IQCM: variants seen among roughly 807,000 people sequenced by gnomAD.
The protein encoded by IQCM is IQ motif containing M.
IQCM carries 45 observed loss-of-function variants against 57.6 expected under a neutral mutation model. The ratio of observed to expected loss-of-function variants is 0.78; its 90% CI spans 0.62 to 1.00. IQCM has a LOEUF of 1.00. Ranked by LOEUF, IQCM falls within the 50% of genes least tolerant of loss-of-function variation. The pLI is 0.00. For synonymous variants in IQCM, 148 were observed against 158.9 expected (o/e 0.93, Z 0.51); for missense variants, 468 against 511.6 (o/e 0.91, Z 0.82).
intron 5 of IQCM, among the ~76,000 whole-genome samples, chr4:149,719,551 C>T (rs578085000): frequency 6.6e-6 from 1 of 152,268 alleles, no homozygotes; most frequent in South Asian, 2.1e-4. Context: ...CACTGATTCA[C>T]ATAAACTGGA....
intron 9 of IQCM, among the ~76,000 whole-genome samples, chr4:149,569,764 T>C (rs1357135630): frequency 6.6e-6 from 1 of 152,208 alleles, no homozygotes; most frequent in African/African-American, 2.4e-5. Flanking sequence ...AAAGAACTGA[T>C]TCGGGATTTC....
At chr4:149,689,203 T>C (rs1762767606) in intron 5 of IQCM, among the ~76,000 whole-genome samples, 2 of 152,012 alleles carry the variant, frequency 1.3e-5, no homozygotes, top group Admixed American at 6.6e-5. Context: ...GTGTGGTACA[T>C]ATACACCATG....
At chr4:149,810,799 C>T (rs769659771) in intron 2 of IQCM, among the ~76,000 whole-genome samples, 57 of 152,210 alleles carry the variant, frequency 3.7e-4, no homozygotes, top group Admixed American at 1.6e-3. Flanking sequence ...ACTCTCAAAA[C>T]CGTCTGGATT....
chr4:149,741,805 T>G (rs1176821402), intron 3 of IQCM, among the ~76,000 whole-genome samples: 2 of 152,166 alleles, frequency 1.3e-5, no homozygotes, highest in Non-Finnish European at 2.9e-5. Flanking sequence ...AGAGAAATCT[T>G]AAGTAGTCTC....
At chr4:149,659,518 G>A (rs573921047) in intron 7 of IQCM, among the ~76,000 whole-genome samples, 14 of 152,178 alleles carry the variant, frequency 9.2e-5, no homozygotes, top group Admixed American at 2.0e-4. Context: ...AGCCCGCATC[G>A]CCAAGTCAAT....
intron 12 of IQCM, among the ~76,000 whole-genome samples, chr4:149,522,863 G>A (rs1463774518): frequency 6.6e-6 from 1 of 151,972 alleles, no homozygotes; most frequent in Non-Finnish European, 1.5e-5. Context: ...ACACAAAATA[G>A]GTATATCCTG....
intron 13 of IQCM, among the ~76,000 whole-genome samples, chr4:149,402,757 GT>G (rs1422710789): frequency 6.6e-6 from 1 of 151,830 alleles, no homozygotes; most frequent in Non-Finnish European, 1.5e-5. Flanking sequence ...ATCCTATGTC[GT>G]ATAACTATTT....
chr4:149,752,931 C>A (rs1768594064), intron 2 of IQCM, among the ~76,000 whole-genome samples: 1 of 152,178 alleles, frequency 6.6e-6, no homozygotes, highest in Admixed American at 6.5e-5. Flanking sequence ...CACGCCCTAG[C>A]CACACCAACA....
intron 5 of IQCM, among the ~76,000 whole-genome samples, chr4:149,715,679 T>C (rs925454182): frequency 1.3e-5 from 2 of 152,178 alleles, no homozygotes; most frequent in African/African-American, 4.8e-5. Context: ...GAATGAGGTA[T>C]GTGGACAACT....
At chr4:149,448,108 T>C (rs1343026427) in intron 12 of IQCM, among the ~76,000 whole-genome samples, 1 of 151,702 alleles carries the variant, frequency 6.6e-6, no homozygotes, top group Non-Finnish European at 1.5e-5. Flanking sequence ...ACATGTTCCA[T>C]GATTGATTAA....
chr4:149,485,225 C>T (rs2149761298), intron 12 of IQCM, among the ~76,000 whole-genome samples: 1 of 152,024 alleles, frequency 6.6e-6, no homozygotes, highest in Non-Finnish European at 1.5e-5. Context: ...CTATAATCTT[C>T]TTATATGTGA....
chr4:149,769,460 C>T (rs558789460), intron 2 of IQCM, among the ~76,000 whole-genome samples: 13 of 151,506 alleles, frequency 8.6e-5, no homozygotes, highest in East Asian at 3.9e-4. Flanking sequence ...CATAGGGGAG[C>T]GAAGATACAG....
intron 7 of IQCM, among the ~76,000 whole-genome samples, chr4:149,643,409 C>T (rs950858635): frequency 6.6e-6 from 1 of 152,152 alleles, no homozygotes; most frequent in Non-Finnish European, 1.5e-5. Flanking sequence ...GTTATGGAGG[C>T]TTGCTCAAAG....
intron 4 of IQCM, 116 bp downstream of exon 4, chr4:149,735,260 C>T (rs1450249747): frequency 8.7e-6 from 4 of 458,712 alleles, no homozygotes; most frequent in Non-Finnish European, 1.4e-5. Context: ...CTCTTCAATT[C>T]TATTCTCTTT....
intron 13 of IQCM, among the ~76,000 whole-genome samples, chr4:149,400,014 C>A (rs1018157152): frequency 1.3e-5 from 2 of 151,920 alleles, no homozygotes; most frequent in African/African-American, 4.8e-5. Context: ...AATACAATTG[C>A]AGACTCTGGA....
intron 5 of IQCM, among the ~76,000 whole-genome samples, chr4:149,694,793 A>C (rs1176485824): frequency 6.6e-6 from 1 of 152,190 alleles, no homozygotes; most frequent in Non-Finnish European, 1.5e-5. Flanking sequence ...GAAGAGCTTT[A>C]AGGTCTCTTC....
At chr4:149,365,957 G>A (rs914546999) in intron 13 of IQCM, among the ~76,000 whole-genome samples, 1 of 152,118 alleles carries the variant, frequency 6.6e-6, no homozygotes, top group East Asian at 1.9e-4. Flanking sequence ...AAAGTTCAGA[G>A]TTTGGTTAAT....
At chr4:149,443,364 A>C (rs370154263) in intron 12 of IQCM, among the ~76,000 whole-genome samples, 5 of 152,088 alleles carry the variant, frequency 3.3e-5, no homozygotes, top group African/African-American at 7.2e-5. Context: ...TAATAAACTT[A>C]AGGATATAAA....
chr4:149,496,151 A>G lies in IQCM; in HGVS notation c.1228+52304T>C, dbSNP rs557127869. On this transcript the variant is annotated intron_variant, in intron 12 of 13. Coordinates refer to ENST00000636793, the MANE Select transcript of IQCM (RefSeq NM_001363507.2). The stretch of plus-strand genomic sequence containing the variant: ...ACTTGAGAGGGTGGAGGAGTAGGAG[A>G]GTATGGGGGTGAAATGGGAATATTT... Among the ~76,000 whole-genome samples the G allele has an allele frequency of 2.4e-4, 36 of 152,164 alleles. 1 individual carries two copies. In the South Asian group the frequency reaches 3.1e-3, roughly 13 times the overall value.
Sources: allele counts gnomAD v4.1 joint callset (sites outside exome capture counted in the v4.1 genomes callset), GRCh38; gene constraint gnomAD v4.1.1; transcripts MANE v1.5; gene names NCBI Gene and HGNC (gene_info 2026-07-23, HGNC 2026-07-21).